The following PCDHGA4 variants were observed in gnomAD, a reference collection of about 807,000 sequenced individuals.
PCDHGA4 encodes the protein protocadherin gamma-A4.
PCDHGA4 carries 38 observed loss-of-function variants against 54.6 expected under a neutral mutation model. The ratio of observed to expected loss-of-function variants is 0.70; its 90% CI spans 0.54 to 0.91. The LOEUF is 0.91. PCDHGA4 is among the 40% of genes least tolerant of loss of function. The pLI is 0.00. For missense variants in PCDHGA4, 1,298 were observed against 1,220.9 expected (o/e 1.06, Z -0.94); for synonymous variants, 511 against 512.9 (o/e 1.00, Z 0.05).
chr5:141,491,659 G>A lies in PCDHGA4; in HGVS notation c.2515-3148G>A. On this transcript the variant is annotated intron_variant, in intron 1 of 3. Transcript: ENST00000571252. This position sits in a 1 kb window ranked among gnomAD's most constrained non-coding sequence, Gnocchi z 6.9. ...CACAGCTCTGGCGCTGGAGCCTGACGCCATCCGGTCCCGCTCTAATACGCT... is the reference window on the plus strand; with the variant it reads ...CACAGCTCTGGCGCTGGAGCCTGACACCATCCGGTCCCGCTCTAATACGCT... 6.2e-7 allele frequency: 1 copy of A among 1,613,766 alleles called. No homozygotes were observed. The highest frequency in any genetic ancestry group is 8.5e-7 in the Non-Finnish European group (1 of 1,180,004).
rs1030462993 is a variant in PCDHGA4 at position 141,367,932 on chromosome 5, A to G, written c.2514+10311A>G. On this transcript the variant is annotated intron_variant, in intron 1 of 3. Coordinates refer to ENST00000571252, the MANE Select transcript of PCDHGA4 (RefSeq NM_018917.4). Reference sequence around the variant, plus strand: ...GAAAAAAAAAGAACTCAACTTAAAGATGGTTCAAAATTTTAAATTTCATAT... The same window carrying G: ...GAAAAAAAAAGAACTCAACTTAAAGGTGGTTCAAAATTTTAAATTTCATAT... 103 of 152,212 alleles carry G rather than the reference A, an allele frequency of 6.8e-4. 1 individual carries two copies. The highest frequency in any genetic ancestry group is 2.4e-3 in the African/African-American group (101 of 41,450). The allele number at this position is 152,212 out of a possible 1,614,324, so 9.4% of individuals were successfully genotyped here.
intron 2 of PCDHGA4, among the ~76,000 whole-genome samples, chr5:141,497,212 G>A (rs968445663): frequency 6.6e-6 from 1 of 150,900 alleles, no homozygotes; most frequent in Non-Finnish European, 1.5e-5. Flanking sequence ...AGTGTAATGG[G>A]GGGGGGAAGA....
intron 1 of PCDHGA4, among the ~76,000 whole-genome samples, chr5:141,458,921 C>CG (rs2098956905): frequency 6.6e-6 from 1 of 151,960 alleles, no homozygotes; most frequent in African/African-American, 2.4e-5. Flanking sequence ...TTTGTGGAGA[C>CG]GGGGTCTCAC....
At chr5:141,375,802 T>G (rs754541889) in intron 1 of PCDHGA4, 15 of 1,614,072 alleles carry the variant, frequency 9.3e-6, no homozygotes, top group East Asian at 2.2e-5. Flanking sequence ...ACGGTTCCAC[T>G]GGCGTGGAGC....
chr5:141,358,274 A>T (rs1760873483), intron 1 of PCDHGA4, among the ~76,000 whole-genome samples: 1 of 152,222 alleles, frequency 6.6e-6, no homozygotes, highest in Non-Finnish European at 1.5e-5. Flanking sequence ...GAGACCTGTA[A>T]AATAGAAGGC....
chr5:141,372,024 G>C (rs756350888), intron 1 of PCDHGA4: 1 of 1,613,384 alleles, frequency 6.2e-7, no homozygotes, highest in East Asian at 2.2e-5. Context: ...TACGCTCAGC[G>C]CCAACGTGAG....
At chr5:141,462,116 C>T (rs535029363) in intron 1 of PCDHGA4, among the ~76,000 whole-genome samples, 3 of 152,152 alleles carry the variant, frequency 2.0e-5, no homozygotes, top group Admixed American at 1.3e-4. Context: ...AGCCACTGCA[C>T]CCAGTCCAAT....
chr5:141,407,798 A>T (rs2094982737), intron 1 of PCDHGA4, among the ~76,000 whole-genome samples: 1 of 152,256 alleles, frequency 6.6e-6, no homozygotes, highest in Non-Finnish European at 1.5e-5. Context: ...AACACAAAGC[A>T]TAGAAATATC....
chr5:141,452,378 T>C (rs1227738942), intron 1 of PCDHGA4, among the ~76,000 whole-genome samples: 1 of 152,226 alleles, frequency 6.6e-6, no homozygotes, highest in African/African-American at 2.4e-5. Context: ...TAGTAGGGAA[T>C]AGTATTTAGA....
chr5:141,406,477 A>G (rs1233914824), intron 1 of PCDHGA4, among the ~76,000 whole-genome samples: 1 of 152,166 alleles, frequency 6.6e-6, no homozygotes, highest in Non-Finnish European at 1.5e-5. Flanking sequence ...TTGAGGTTAT[A>G]TTTTTCAGAT....
At position 141,390,867 on chromosome 5, in the gene PCDHGA4, CGTGT is replaced by C. The variant is rs61319619; in HGVS notation, c.2514+33264_2514+33267del. The C allele has an allele frequency of 5.1e-4, 77 of 151,148 alleles. No homozygotes were observed. The East Asian group carries it at 6.0e-3, about 12-fold the overall frequency. 9.4% of individuals were successfully genotyped at this position (151,148 alleles called of 1,614,324 possible). A position where few individuals can be genotyped will look rare whatever the true frequency, so the allele number is the denominator to read the frequency against. On this transcript the variant is annotated intron_variant, in intron 1 of 3. Coordinates refer to ENST00000571252, the MANE Select transcript of PCDHGA4 (RefSeq NM_018917.4). ...TTATATGCAGTGTACGCTGTGTGTG[CGTGT>C]GTGTGTGTGTGTGTGTGAGAGAGAT...
chr5:141,428,013 C>T, intron 1 of PCDHGA4: 4 of 1,603,660 alleles, frequency 2.5e-6, no homozygotes, highest in Non-Finnish European at 3.4e-6. Flanking sequence ...CGATATAGTG[C>T]CACGCGCCGC....
chr5:141,357,307 G>C lies in PCDHGA4; in HGVS notation c.2200G>C (p.Val734Leu). ...LVVAVAAVSC[V>L]FLAFVTVLLA... is the part of the protein sequence containing the mutation. ...GGTGGCAGTGGCCGCTGTCTCCTGCGTCTTCCTGGCTTTTGTCACGGTGCT... is the reference window on the plus strand; with the variant it reads ...GGTGGCAGTGGCCGCTGTCTCCTGCCTCTTCCTGGCTTTTGTCACGGTGCT... The change falls in exon 1 of 4, where the codon GTC becomes CTC. Residue 734 changes from valine to leucine, a missense_variant. Val to Leu is a conservative substitution (Grantham distance 32). Coordinates refer to ENST00000571252, the MANE Select transcript of PCDHGA4 (RefSeq NM_018917.4). The C allele has an allele frequency of 6.2e-7, 1 of 1,614,042 alleles. No homozygotes were observed. Among genetic ancestry groups the C allele is most frequent in the Non-Finnish European group, 8.5e-7 (1 of 1,179,928 alleles).
At chr5:141,467,352 C>A (rs2099142466) in intron 1 of PCDHGA4, among the ~76,000 whole-genome samples, 1 of 152,140 alleles carries the variant, frequency 6.6e-6, no homozygotes, top group South Asian at 2.1e-4. Context: ...TGCCCCCGGC[C>A]AAATCAACGT....
At chr5:141,423,975 A>G in intron 1 of PCDHGA4, 2 of 1,126,024 alleles carry the variant, frequency 1.8e-6, no homozygotes, top group Non-Finnish European at 2.2e-6. Flanking sequence ...TTATCAGTGT[A>G]TGAGGCTCTC....
intron 1 of PCDHGA4, chr5:141,427,971 C>A (rs764145525): frequency 1.3e-6 from 2 of 1,593,630 alleles, no homozygotes; most frequent in Non-Finnish European, 1.7e-6. Flanking sequence ...GGTGCTGTAC[C>A]CCGCGCTGGG....
rs145484670 is a variant in PCDHGA4 at position 141,469,912 on chromosome 5, C to T, written c.2515-24895C>T. Among the ~76,000 whole-genome samples, 674 of 152,288 alleles carry T rather than the reference C, an allele frequency of 4.4e-3. 6 individuals are homozygous for T. The highest frequency in any genetic ancestry group is 0.015 in the African/African-American group (642 of 41,562). On this transcript the variant is annotated intron_variant, in intron 1 of 3. Transcript: ENST00000571252. ...TTGGGAAGCCGAGGCAGGCAGACCA[C>T]CCGAGGTCAGGAGTTTGAGACCAGC...
At chr5:141,430,327 T>C (rs1250968800) in intron 1 of PCDHGA4, among the ~76,000 whole-genome samples, 7 of 152,042 alleles carry the variant, frequency 4.6e-5, no homozygotes, top group Non-Finnish European at 1.5e-5. Context: ...AAAATCATTG[T>C]TTATAGAAAC....
At chr5:141,383,356 C>A (rs1046340065) in intron 1 of PCDHGA4, 1 of 1,613,884 alleles carries the variant, frequency 6.2e-7, no homozygotes, top group Non-Finnish European at 8.5e-7. Context: ...GGTTCGGTTT[C>A]CGTTAAGCGA....
Sources: allele counts gnomAD v4.1 joint callset (sites outside exome capture counted in the v4.1 genomes callset), GRCh38; gene constraint gnomAD v4.1.1; non-coding constraint Gnocchi (gnomAD v3.1); transcripts MANE v1.5; gene names NCBI Gene and HGNC (gene_info 2026-07-23, HGNC 2026-07-21).